Variants in RNF14 observed in about 807,000 individuals in gnomAD.
The protein encoded by RNF14 is E3 ubiquitin-protein ligase RNF14.
Under a neutral mutation model 52.6 loss-of-function variants are expected in RNF14, and 26 were observed. The ratio of observed to expected loss-of-function variants is 0.49; its 90% CI spans 0.36 to 0.69. The LOEUF (loss-of-function observed/expected upper bound fraction) is 0.69, where lower values mean the gene tolerates loss of function less well. Among genes scored for constraint, RNF14 ranks in the 30% least tolerant of loss-of-function variants. The probability of loss-of-function intolerance (pLI) is 0.00; values close to 1 mark genes in which losing one functional copy is unlikely to be tolerated. For missense variants in RNF14, 404 were observed against 560.4 expected (o/e 0.72, Z 2.82); for synonymous variants, 194 against 202.0 (o/e 0.96, Z 0.34).
upstream of RNF14, chr5:141,956,281 T>C: frequency 6.2e-7 from 1 of 1,614,186 alleles, no homozygotes; most frequent in East Asian, 2.2e-5. Flanking sequence ...CTCTTCATAG[T>C]TCAGTGACCT....
chr5:141,958,787 T>G (rs573029771), intron 1 of RNF14: 3 of 152,384 alleles, frequency 2.0e-5, no homozygotes, highest in Non-Finnish European at 2.9e-5. Context: ...GGAGTAAGAA[T>G]AGTAGCCCTT....
chr5:141,957,626 G>A (rs759106062), upstream of RNF14: 1 of 1,614,016 alleles, frequency 6.2e-7, no homozygotes, highest in Non-Finnish European at 8.5e-7. This position sits in a 1 kb window ranked among gnomAD's most constrained non-coding sequence, Gnocchi z 4.3. Context: ...ACCTGAATGG[G>A]GAGCGCCTGA....
the RNF14 span, chr5:141,951,667 G>A: frequency 9.6e-7 from 1 of 1,037,044 alleles, no homozygotes; most frequent in Admixed American, 1.7e-5. Context: ...TTCCCTCAAT[G>A]CCGGTGCTTT....
chr5:141,986,467 G>C (rs1755242272), intron 8 of RNF14, among the ~76,000 whole-genome samples: 1 of 152,240 alleles, frequency 6.6e-6, no homozygotes, highest in African/African-American at 2.4e-5. Context: ...AGTAATAATA[G>C]TGTCTTGAAA....
chr5:141,955,799 AG>A (rs748127746), upstream of RNF14: 6 of 1,613,776 alleles, frequency 3.7e-6, no homozygotes, highest in South Asian at 1.1e-5. The surrounding 1 kb of genome is among the most constrained non-coding windows in gnomAD (Gnocchi z 5.5). Context: ...CGGGTCTGTA[AG>A]GGGGGGCTTC....
chr5:141,975,429 G>T (rs1273205911), intron 4 of RNF14, among the ~76,000 whole-genome samples: 1 of 152,150 alleles, frequency 6.6e-6, no homozygotes, highest in Non-Finnish European at 1.5e-5. Flanking sequence ...GTAAAAATCT[G>T]TATTAATAAC....
chr5:141,957,923 T>G (rs1277468338), upstream of RNF14: 14 of 1,522,836 alleles, frequency 9.2e-6, no homozygotes, highest in South Asian at 1.6e-4. This position sits in a 1 kb window ranked among gnomAD's most constrained non-coding sequence, Gnocchi z 4.3. Flanking sequence ...CTCCAGTGTT[T>G]CCTGGATGGC....
chr5:141,949,628 T>G, the RNF14 span: 3 of 1,589,040 alleles, frequency 1.9e-6, no homozygotes, highest in East Asian at 6.8e-5. Flanking sequence ...CATTCCCATA[T>G]AGATTCATTC....
chr5:141,972,275 G>T (rs1387828212), intron 2 of RNF14, among the ~76,000 whole-genome samples: 1 of 151,806 alleles, frequency 6.6e-6, no homozygotes, highest in Non-Finnish European at 1.5e-5. Flanking sequence ...TGTCACTCAG[G>T]CTGGAGTGCA....
rs780638144 is a variant in RNF14 at position 141,973,650 on chromosome 5, A to G, written c.62A>G (p.Asp21Gly). 2 of 1,613,984 alleles carry G rather than the reference A, an allele frequency of 1.2e-6. No homozygotes were observed. Among genetic ancestry groups the G allele is most frequent in the Non-Finnish European group, 1.7e-6 (2 of 1,179,886 alleles). Residue 21 changes from aspartate to glycine, a missense_variant, in exon 3 of 9, where the codon GAT becomes GGT. Asp to Gly is a moderately conservative substitution (Grantham distance 94, BLOSUM62 -1). Transcript: ENST00000394520. ...TTGCTGGCCCTGGCAAGTATTTACG[A>G]TGGAGATGAATTTAGAAAAGCAGAG... ...DELLALASIY[D>G]GDEFRKAESV...
upstream of RNF14, among the ~76,000 whole-genome samples, chr5:141,966,396 G>A (rs1412510411): frequency 1.2e-4 from 18 of 152,096 alleles, no homozygotes. Flanking sequence ...GTCATAAATA[G>A]TAATTGTGTA....
chr5:141,967,665 C>T (rs543797326), upstream of RNF14, among the ~76,000 whole-genome samples: 2 of 152,280 alleles, frequency 1.3e-5, no homozygotes, highest in Admixed American at 1.3e-4. Context: ...AGAGTCTTAG[C>T]TCTGCAAGTT....
chr5:141,971,742 A>G (rs1442831810), intron 2 of RNF14, among the ~76,000 whole-genome samples: 1 of 145,974 alleles, frequency 6.9e-6, no homozygotes, highest in East Asian at 1.9e-4. Flanking sequence ...CCTGGATTCT[A>G]GTGATTCTCT....
chr5:141,960,659 G>A (rs1476575474), intron 1 of RNF14, among the ~76,000 whole-genome samples: 1 of 152,180 alleles, frequency 6.6e-6, no homozygotes, highest in Middle Eastern at 3.2e-3. Context: ...CCACATGCCA[G>A]GCCTTGTCCT....
chr5:141,957,017 C>T (rs148315259), upstream of RNF14: 10 of 1,614,090 alleles, frequency 6.2e-6, no homozygotes, highest in African/African-American at 2.7e-5. The surrounding 1 kb of genome is among the most constrained non-coding windows in gnomAD (Gnocchi z 4.3). Context: ...AAGAACTCCA[C>T]CTCCCCATTG....
At chr5:141,980,073 G>A in intron 5 of RNF14, 50 bp from the exon 6 acceptor site, 1 of 1,487,416 alleles carries the variant, frequency 6.7e-7, no homozygotes, top group Non-Finnish European at 9.4e-7. Context: ...CTCAGGTTCA[G>A]AACTGGTTGT....
the RNF14 span, chr5:141,951,649 C>T: frequency 8.1e-7 from 1 of 1,229,848 alleles, no homozygotes; most frequent in Non-Finnish European, 1.2e-6. Context: ...CACTTCCTCG[C>T]CGGATGTTTC....
At chr5:141,979,619 C>T (rs1480026152) in intron 5 of RNF14, among the ~76,000 whole-genome samples, 1 of 152,128 alleles carries the variant, frequency 6.6e-6, no homozygotes, top group Non-Finnish European at 1.5e-5. Context: ...TCATACAAGG[C>T]TAGCATGGTA....
upstream of RNF14, chr5:141,956,069 G>A (rs1561536363): frequency 1.2e-6 from 2 of 1,614,208 alleles, no homozygotes; most frequent in Non-Finnish European, 1.7e-6. Flanking sequence ...AAGCCATTGG[G>A]AGTCTCGATG....
Sources: allele counts gnomAD v4.1 joint callset (sites outside exome capture counted in the v4.1 genomes callset), GRCh38; gene constraint gnomAD v4.1.1; non-coding constraint Gnocchi (gnomAD v3.1); transcripts MANE v1.5; gene names NCBI Gene and HGNC (gene_info 2026-07-23, HGNC 2026-07-21).